GBP6: variants seen among roughly 807,000 people sequenced by gnomAD.
GBP6 encodes the protein guanylate binding protein family member 6.
Under a neutral mutation model 61.5 loss-of-function variants are expected in GBP6, and 54 were observed. The ratio of observed to expected loss-of-function variants is 0.88; its 90% CI spans 0.71 to 1.10. GBP6 has a LOEUF of 1.10. Ranked by LOEUF, GBP6 falls within the 50% of genes least tolerant of loss-of-function variation. GBP6 has a pLI of 0.00. For synonymous variants in GBP6, 255 were observed against 273.7 expected, an observed-to-expected ratio of 0.93 and a Z score of 0.67; for missense variants, 748 against 752.8, an observed-to-expected ratio of 0.99 and a Z score of 0.07.
At chr1:89,368,501 G>A in intron 1 of GBP6, 28 bp from the exon 2 acceptor site, 1 of 1,523,244 alleles carries the variant, frequency 6.6e-7, no homozygotes. Flanking sequence ...GACAGAGAAT[G>A]ACAATGTAAC....
chr1:89,368,461 C>A, intron 1 of GBP6, 68 bp from the exon 2 acceptor site: 1 of 1,196,818 alleles, frequency 8.4e-7, no homozygotes. Flanking sequence ...CTCATTAGTC[C>A]TATGTTGATG....
intron 3 of GBP6, among the ~76,000 whole-genome samples, chr1:89,371,599 G>A (rs1652643308): frequency 6.6e-6 from 1 of 152,158 alleles, no homozygotes; most frequent in Non-Finnish European, 1.5e-5. Context: ...AAAGGCCTTT[G>A]ACAAAATCCA....
intron 5 of GBP6, among the ~76,000 whole-genome samples, 161 bp from the exon 6 acceptor site, chr1:89,380,225 C>A (rs927425315): frequency 6.6e-6 from 1 of 152,150 alleles, no homozygotes; most frequent in African/African-American, 2.4e-5. Context: ...TATACAAATT[C>A]TTTTAGCATC....
rs1653118792 is a variant in GBP6 at position 89,385,555 on chromosome 1, T to TC, written c.*87dup. ...TCATTCAGCAAGTTTTTTTTTTTTTTCAGAGTCTTACTCTGTTGCCCAGGC... is the reference window on the plus strand; with the variant it reads ...TCATTCAGCAAGTTTTTTTTTTTTTTCCAGAGTCTTACTCTGTTGCCCAGGC... On this transcript the variant is annotated 3_prime_UTR_variant, in exon 11 of 11. Coordinates refer to ENST00000370456, the MANE Select transcript of GBP6 (RefSeq NM_198460.3). 5 of 1,344,112 alleles carry TC rather than the reference T, an allele frequency of 3.7e-6. No individual in the cohort carries two copies. The highest frequency in any genetic ancestry group is 2.5e-5 in the Admixed American group (1 of 40,346). The allele number at this position is 1,344,112 out of a possible 1,614,324, so 83.3% of individuals were successfully genotyped here.
chr1:89,364,410 T>C (rs1652401366), intron 1 of GBP6, among the ~76,000 whole-genome samples: 1 of 152,202 alleles, frequency 6.6e-6, no homozygotes, highest in South Asian at 2.1e-4. Flanking sequence ...TGGCTATCTC[T>C]CTCAGGTCCT....
intron 3 of GBP6, among the ~76,000 whole-genome samples, chr1:89,377,087 C>T (rs1188106295): frequency 6.6e-6 from 1 of 152,178 alleles, no homozygotes; most frequent in Non-Finnish European, 1.5e-5. Context: ...ATCTCTAGAT[C>T]TCAGTTTTTA....
rs1334516645 is a variant in GBP6, at chr1:89,387,650, A to C, written c.*2181A>C. On this transcript the variant is annotated 3_prime_UTR_variant, in exon 11 of 11. Transcript: ENST00000370456. ...TCTCTGAGGTGGTTTAAAGGCTATG[A>C]GGCCAGGTGCAGTGGCTCACGCCTA... Among the ~76,000 whole-genome samples, 1 of 152,176 alleles carries C rather than the reference A, an allele frequency of 6.6e-6. No homozygotes were observed. The highest frequency in any genetic ancestry group is 6.5e-5 in the Admixed American group (1 of 15,280).
At chr1:89,370,206 A>T (rs1176085372) in intron 3 of GBP6, among the ~76,000 whole-genome samples, 1 of 152,174 alleles carries the variant, frequency 6.6e-6, no homozygotes, top group African/African-American at 2.4e-5. Flanking sequence ...AAGAGAGCTG[A>T]CACCTGTGAT....
Position 89,388,047 on chromosome 1 carries a change from C to A in GBP6, c.*2578C>A, listed in dbSNP as rs74100526. Among the ~76,000 whole-genome samples the A allele has an allele frequency of 5.1e-4, 78 of 152,214 alleles. No individual in the cohort carries two copies. The highest frequency in any genetic ancestry group is 1.9e-3 in the African/African-American group (77 of 41,550). On this transcript the variant is annotated 3_prime_UTR_variant, in exon 11 of 11. Coordinates refer to ENST00000370456, the MANE Select transcript of GBP6 (RefSeq NM_198460.3). ...TCCTACAGTCTCTGTGAAACTGGGC[C>A]AAAGATAGAATTTTTTTTTCTGTGC...
At chr1:89,370,590 G>C (rs1409940906) in intron 3 of GBP6, among the ~76,000 whole-genome samples, 1 of 152,170 alleles carries the variant, frequency 6.6e-6, no homozygotes, top group Non-Finnish European at 1.5e-5. Flanking sequence ...AGAGTTATTT[G>C]GGAATGGGTT....
intron 3 of GBP6, among the ~76,000 whole-genome samples, chr1:89,374,398 T>C (rs1424099659): frequency 1.3e-5 from 2 of 152,174 alleles, no homozygotes; most frequent in African/African-American, 4.8e-5. Flanking sequence ...AATATGAAAG[T>C]ACAGATATCT....
rs1274134038 is a variant in GBP6, at chr1:89,367,027, A to T, written c.-23-1502A>T. Among the ~76,000 whole-genome samples the T allele has an allele frequency of 2.0e-5, 3 of 152,346 alleles. No individual in the cohort carries two copies. In the East Asian group the frequency reaches 5.8e-4, roughly 29 times the overall value. On this transcript the variant is annotated intron_variant, in intron 1 of 10. Transcript: ENST00000370456. ...CTGAATAATAGCTGATTGTAGGTAT[A>T]TACAACATTTTGTTCATCTATTCAT...
intron 3 of GBP6, among the ~76,000 whole-genome samples, chr1:89,375,312 A>G (rs1030530312): frequency 6.6e-6 from 1 of 152,224 alleles, no homozygotes; most frequent in African/African-American, 2.4e-5. Context: ...TGGAAACCAC[A>G]GTAAGATACC....
intron 8 of GBP6, 48 bp downstream of exon 8, chr1:89,382,924 G>T: frequency 7.7e-7 from 1 of 1,295,334 alleles, no homozygotes; most frequent in South Asian, 1.2e-5. Context: ...AGAGTGAATG[G>T]AGTCTTCAGC....
Position 89,381,938 on chromosome 1 carries a change from C to T in GBP6, c.1116C>T (p.Phe372=), listed in dbSNP as rs36103191. 2,557 of 1,612,038 alleles carry T rather than the reference C, an allele frequency of 1.6e-3. 23 individuals carry two copies. In the African/African-American group the frequency reaches 0.029, roughly 18 times the overall value. The change falls in exon 7 of 11, where the codon TTC becomes TTT. Residue 372 remains phenylalanine, a synonymous_variant. Coordinates refer to ENST00000370456, the MANE Select transcript of GBP6 (RefSeq NM_198460.3). ...EAIAIFMEHS[F]KDENQEFQKK... is the part of the protein sequence containing the mutation. Reference sequence around the variant, plus strand: ...TTGCAATCTTCATGGAGCACTCCTTCAAGGATGAAAATCAGGAATTCCAGA... The same window carrying T: ...TTGCAATCTTCATGGAGCACTCCTTTAAGGATGAAAATCAGGAATTCCAGA...
At position 89,386,512 on chromosome 1, in the gene GBP6, A is replaced by G. The variant is rs2100678808; in HGVS notation, c.*1043A>G. On this transcript the variant is annotated 3_prime_UTR_variant, in exon 11 of 11. Transcript: ENST00000370456. ...AGGAATTACATCAGCCAGCCCAATG[A>G]GGGGTCTAAGACTAAGATCTGAGTA... 1 of 152,360 alleles carries G rather than the reference A, an allele frequency of 6.6e-6. No homozygotes were observed. Among genetic ancestry groups the G allele is most frequent in the Middle Eastern group, 3.4e-3 (1 of 294 alleles). The allele number at this position is 152,360 out of a possible 1,614,324, so 9.4% of individuals were successfully genotyped here. A position where few individuals can be genotyped will look rare whatever the true frequency, so the allele number is the denominator to read the frequency against.
chr1:89,381,677 TCTC>T lies in GBP6; in HGVS notation c.872-14_872-12del, dbSNP rs1490191885. 5 of 1,581,082 alleles carry T rather than the reference TCTC, an allele frequency of 3.2e-6. No individual in the cohort carries two copies. Among genetic ancestry groups the T allele is most frequent in the Non-Finnish European group, 4.3e-6 (5 of 1,160,864 alleles). On this transcript the variant is annotated splice_polypyrimidine_tract_variant and intron_variant, in intron 6 of 10. Coordinates refer to ENST00000370456, the MANE Select transcript of GBP6 (RefSeq NM_198460.3). ...TTTAATTTCATATTTAGCCCCTAAA[TCTC>T]CTGGTTCATTTAGGTCTGGGAACTC... is the stretch of plus-strand genomic sequence containing the variant.
At chr1:89,377,977 A>T in intron 3 of GBP6, 126 bp from the exon 4 acceptor site, 3 of 820,186 alleles carry the variant, frequency 3.7e-6, no homozygotes, top group Non-Finnish European at 5.9e-6. Context: ...GTTTACATTC[A>T]TGTCTATGTT....
At chr1:89,372,359 A>C (rs185407950) in intron 3 of GBP6, among the ~76,000 whole-genome samples, 1 of 152,232 alleles carries the variant, frequency 6.6e-6, no homozygotes, top group Non-Finnish European at 1.5e-5. Flanking sequence ...TTGCCAAGAC[A>C]GTCCTAAGCC....
Sources: allele counts gnomAD v4.1 joint callset (sites outside exome capture counted in the v4.1 genomes callset), GRCh38; gene constraint gnomAD v4.1.1; transcripts MANE v1.5; gene names NCBI Gene and HGNC (gene_info 2026-07-23, HGNC 2026-07-21).